The following TLN2 variants were observed in gnomAD, a reference collection of about 807,000 sequenced individuals.
The protein encoded by TLN2 is talin-2.
TLN2 carries 118 observed loss-of-function variants against 294.7 expected under a neutral mutation model. That is an observed-to-expected ratio of 0.40 (90% confidence interval 0.34 to 0.47). The LOEUF is 0.47. TLN2 is among the 20% of genes least tolerant of loss of function. TLN2 has a pLI of 0.84. For synonymous variants in TLN2, 1,431 were observed against 1,304.5 expected, an observed-to-expected ratio of 1.10 and a Z score of -2.09; for missense variants, 3,083 against 3,282.2, an observed-to-expected ratio of 0.94 and a Z score of 1.48.
intron 3 of TLN2, among the ~76,000 whole-genome samples, chr15:62,631,657 T>TTCTTTCTTTC (rs1555451436): frequency 1.5e-4 from 22 of 144,050 alleles, no homozygotes; most frequent in South Asian, 1.1e-3. Context: ...TTCCTTCTTT[T>TTCTTTCTTTC]TCTTTCTTTC....
chr15:62,687,096 A>G (rs943887752), intron 12 of TLN2, among the ~76,000 whole-genome samples: 13 of 152,178 alleles, frequency 8.5e-5, no homozygotes, highest in African/African-American at 2.7e-4. Flanking sequence ...TGTGTTCCTG[A>G]TGACATCCCT....
intron 9 of TLN2, among the ~76,000 whole-genome samples, chr15:62,665,305 C>T (rs1263304593): frequency 1.3e-5 from 2 of 152,122 alleles, no homozygotes; most frequent in Non-Finnish European, 2.9e-5. Flanking sequence ...CCTCTTCAGC[C>T]TCCCAAAGTG....
chr15:62,546,179 C>T (rs2041984349), intron 1 of TLN2, among the ~76,000 whole-genome samples: 1 of 152,148 alleles, frequency 6.6e-6, no homozygotes, highest in South Asian at 2.1e-4. Flanking sequence ...TCTTCACTAC[C>T]TCTGACGGGG....
intron 1 of TLN2, among the ~76,000 whole-genome samples, chr15:62,496,152 C>G (rs1281703325): frequency 6.6e-6 from 1 of 152,150 alleles, no homozygotes; most frequent in South Asian, 2.1e-4. Flanking sequence ...TTGAAGTGAC[C>G]AGTCTGGCCA....
chr15:62,424,129 A>C (rs1355225210), intron 1 of TLN2, among the ~76,000 whole-genome samples: 2 of 152,088 alleles, frequency 1.3e-5, no homozygotes, highest in Non-Finnish European at 2.9e-5. Flanking sequence ...GTAAATATGG[A>C]TAATAATAGT....
chr15:62,442,132 G>C (rs1299913993), intron 1 of TLN2, among the ~76,000 whole-genome samples: 1 of 152,018 alleles, frequency 6.6e-6, no homozygotes, highest in Non-Finnish European at 1.5e-5. Context: ...GCTTGTAGGG[G>C]ACAGTCTTGT....
chr15:62,395,829 T>C (rs1052746548), intron 1 of TLN2, among the ~76,000 whole-genome samples: 2 of 152,182 alleles, frequency 1.3e-5, no homozygotes, highest in African/African-American at 4.8e-5. Flanking sequence ...ACCGTATTTC[T>C]GATTTTTTAT....
At chr15:62,458,515 G>T (rs187346814) in intron 1 of TLN2, among the ~76,000 whole-genome samples, 1 of 151,372 alleles carries the variant, frequency 6.6e-6, no homozygotes, top group African/African-American at 2.4e-5. Context: ...ACCTCTAGGA[G>T]GGAGAGAGAT....
chr15:62,690,300 GCCGGGCAGAGACGCTC>G, intron 12 of TLN2: 3 of 161,770 alleles, frequency 1.9e-5, no homozygotes, highest in African/African-American at 8.1e-5. Flanking sequence ...AGACGGGGCG[GCCGGGCAGAGACGCTC>G]TTCACCTCCC....
At chr15:62,759,187 G>A (rs927451764) in intron 37 of TLN2, among the ~76,000 whole-genome samples, 2 of 152,194 alleles carry the variant, frequency 1.3e-5, no homozygotes, top group Non-Finnish European at 2.9e-5. Context: ...TGAGTATTCA[G>A]TTTACTTGAG....
rs1007238439 is a variant in TLN2 at position 62,663,083 on chromosome 15, G to C, written c.788+5185G>C. On this transcript the variant is annotated intron_variant, in intron 9 of 58. Transcript: ENST00000636159. The stretch of plus-strand genomic sequence containing the variant: ...TCCTGCCTCGGCCTCCCAAAGTGCT[G>C]GGATTACAGGCTTGAGCCACAGCGC... Among the ~76,000 whole-genome samples, 3 of 152,074 alleles carry C rather than the reference G, an allele frequency of 2.0e-5. No homozygotes were observed. The South Asian group carries it at 6.2e-4, about 32-fold the overall frequency.
intron 41 of TLN2, among the ~76,000 whole-genome samples, chr15:62,770,221 G>T (rs1039440034): frequency 1.3e-5 from 2 of 152,232 alleles, no homozygotes; most frequent in Non-Finnish European, 2.9e-5. Flanking sequence ...TGGAGGCTCA[G>T]TGAGGAAATG....
chr15:62,766,288 A>G lies in TLN2; in HGVS notation c.5095-33A>G, dbSNP rs973804726. 8.8e-6 allele frequency: 14 copies of G among 1,588,246 alleles called. No homozygotes were observed. The African/African-American group carries it at 1.6e-4, about 18-fold the overall frequency. On this transcript the variant is annotated intron_variant, in intron 40 of 58. Transcript: ENST00000636159. ...CAGTGCAGCTCTGTGGGGAGCTGTT[A>G]TGGGATGAACTTGACACTTCTCTCC...
In TLN2 at chr15:62,702,031, C is replaced by T. The variant is rs760573881; in HGVS notation, c.1736C>T (p.Ala579Val). Residue 579 changes from alanine (A) to valine (V), a missense_variant, in exon 18 of 59, where the codon GCG (alanine) becomes GTG (valine). Physicochemically the swap from Ala to Val is moderately conservative, Grantham distance 64. Coordinates refer to ENST00000636159, the MANE Select transcript of TLN2 (RefSeq NM_015059.3). ...ADTDYTAVGC[A>V]ITTISSNLTE... ...ACTGACTACACAGCTGTGGGATGTG[C>T]GATCACCACTATTTCTTCCAACCTG... 5 of 1,614,184 alleles carry T rather than the reference C, an allele frequency of 3.1e-6. No homozygotes were observed. The highest frequency in any genetic ancestry group is 1.1e-5 in the South Asian group (1 of 91,084).
intron 9 of TLN2, among the ~76,000 whole-genome samples, chr15:62,659,909 G>A (rs1372654312): frequency 6.6e-6 from 1 of 152,094 alleles, no homozygotes; most frequent in East Asian, 1.9e-4. Context: ...ACAAAACAGC[G>A]AGGCCACATT....
At chr15:62,736,400 T>C (rs567548394) in intron 28 of TLN2, among the ~76,000 whole-genome samples, 4 of 152,230 alleles carry the variant, frequency 2.6e-5, no homozygotes, top group South Asian at 2.1e-4. Flanking sequence ...GAGCATTGAC[T>C]GGCACAACTG....
intron 6 of TLN2, 113 bp from the exon 7 acceptor site, chr15:62,653,049 C>A: frequency 1.2e-6 from 1 of 815,170 alleles, no homozygotes; most frequent in Non-Finnish European, 1.8e-6. Flanking sequence ...ATTTGTAAGG[C>A]CGTTTCTGGT....
At chr15:62,450,158 G>A (rs993182960) in intron 1 of TLN2, among the ~76,000 whole-genome samples, 1 of 152,170 alleles carries the variant, frequency 6.6e-6, no homozygotes. Context: ...GTGTGTCTCA[G>A]TAGAGTCTTC....
At chr15:62,744,027 G>C (rs9806617) in intron 32 of TLN2, among the ~76,000 whole-genome samples, 106,572 of 152,020 alleles carry the variant, frequency 0.7, 37,582 homozygotes, top group Admixed American at 0.79. Flanking sequence ...CATTTGCTCC[G>C]TAAACAGAAA....
Sources: gnomAD v4.1 joint callset for allele counts (sites outside exome capture counted in the v4.1 genomes callset) on GRCh38, gnomAD v4.1.1 for gene constraint, MANE v1.5 for transcripts, NCBI Gene and HGNC (gene_info 2026-07-23, HGNC 2026-07-21) for gene names.